The following PHIP variants were observed in gnomAD, a reference collection of about 807,000 sequenced individuals.
PHIP encodes the protein PHIP subunit of CUL4-Ring ligase complex, also known as PH-interacting protein.
PHIP carries 54 observed loss-of-function variants against 236.8 expected under a neutral mutation model. That is an observed-to-expected ratio of 0.23 (90% CI 0.18 to 0.29). PHIP has a LOEUF of 0.29. PHIP is among the 10% of genes least tolerant of loss of function. The pLI is 1.00. For missense variants in PHIP, 1,370 were observed against 2,190.8 expected (o/e 0.63, Z 7.48); for synonymous variants, 756 against 718.9 (o/e 1.05, Z -0.83).
chr6:78,985,046 T>C (rs995803024), intron 22 of PHIP, among the ~76,000 whole-genome samples: 2 of 152,160 alleles, frequency 1.3e-5, no homozygotes, highest in African/African-American at 4.8e-5. Context: ...CATTGCTTTC[T>C]TAACTTCATA....
chr6:78,942,157 G>A (rs1773537835), intron 39 of PHIP, among the ~76,000 whole-genome samples: 1 of 152,104 alleles, frequency 6.6e-6, no homozygotes, highest in Non-Finnish European at 1.5e-5. Flanking sequence ...AGCATTTTTG[G>A]TCACAGGTTG....
chr6:78,999,459 A>G (rs1769850877), intron 17 of PHIP, among the ~76,000 whole-genome samples: 1 of 152,152 alleles, frequency 6.6e-6, no homozygotes, highest in Non-Finnish European at 1.5e-5. Flanking sequence ...AGACCAATAT[A>G]AAACATAAAT....
intron 27 of PHIP, 89 bp from the exon 28 acceptor site, chr6:78,966,145 C>T: frequency 1.3e-6 from 1 of 791,344 alleles, no homozygotes; most frequent in Non-Finnish European, 2.2e-6. Flanking sequence ...AGTACCTAAA[C>T]TGCCTGTATG....
At chr6:78,987,224 CTT>C (rs1338183488) in intron 21 of PHIP, among the ~76,000 whole-genome samples, 2 of 151,898 alleles carry the variant, frequency 1.3e-5, no homozygotes, top group Non-Finnish European at 2.9e-5. Flanking sequence ...TATATAGAAA[CTT>C]AATATTTAGA....
chr6:78,985,494 A>T, intron 21 of PHIP, 66 bp from the exon 22 acceptor site: 2 of 840,990 alleles, frequency 2.4e-6, no homozygotes, highest in Non-Finnish European at 4.2e-6. Flanking sequence ...GATTACAGAA[A>T]ATATCAGTGA....
chr6:78,978,079 A>G (rs1339529556), intron 24 of PHIP, among the ~76,000 whole-genome samples: 2 of 152,124 alleles, frequency 1.3e-5, no homozygotes, highest in Non-Finnish European at 2.9e-5. Context: ...ATTCACAAGT[A>G]CATATTCTAA....
intron 7 of PHIP, among the ~76,000 whole-genome samples, chr6:79,036,921 C>CAAAAAAAAAAAAAAAAAAAAAAAAAAA (rs34875528): frequency 2.6e-5 from 1 of 38,950 alleles, no homozygotes; most frequent in Non-Finnish European, 4.6e-5. Context: ...GACTCCGTCT[C>CAAAAAAAAAAAAAAAAAAAAAAAAAAA]AAAAAAAAAA....
At chr6:79,049,877 T>C (rs1307151311) in intron 6 of PHIP, among the ~76,000 whole-genome samples, 1 of 152,224 alleles carries the variant, frequency 6.6e-6, no homozygotes, top group Non-Finnish European at 1.5e-5. Flanking sequence ...ATAAATGTAT[T>C]GTGTGGCATA....
intron 7 of PHIP, among the ~76,000 whole-genome samples, chr6:79,036,762 A>G (rs1216857358): frequency 6.6e-6 from 1 of 151,952 alleles, no homozygotes; most frequent in Non-Finnish European, 1.5e-5. Flanking sequence ...TCTACTAAAA[A>G]TACAAAAAAT....
chr6:78,958,393 C>G (rs1489518735), intron 32 of PHIP, 82 bp downstream of exon 32: 15 of 899,866 alleles, frequency 1.7e-5, no homozygotes, highest in Non-Finnish European at 2.3e-5. Flanking sequence ...TCTTTACAAA[C>G]AGTATGTTTT....
At chr6:79,076,166 T>C (rs1411617145) in intron 4 of PHIP, among the ~76,000 whole-genome samples, 6 of 152,186 alleles carry the variant, frequency 3.9e-5, no homozygotes, top group Non-Finnish European at 8.8e-5. Flanking sequence ...CAACATCTTA[T>C]ATTAAACCAC....
chr6:78,968,895 G>C (rs1279417008), intron 27 of PHIP, among the ~76,000 whole-genome samples: 2 of 152,094 alleles, frequency 1.3e-5, no homozygotes, highest in Admixed American at 1.3e-4. Context: ...TTTTCCCCCT[G>C]AAGACTTTCC....
At chr6:78,981,368 T>C (rs908008059) in intron 23 of PHIP, among the ~76,000 whole-genome samples, 1 of 152,002 alleles carries the variant, frequency 6.6e-6, no homozygotes, top group African/African-American at 2.4e-5. Context: ...GTCCATCTAC[T>C]GTTACATCAC....
At chr6:78,987,177 G>A (rs371547514) in intron 21 of PHIP, among the ~76,000 whole-genome samples, 1 of 151,978 alleles carries the variant, frequency 6.6e-6, no homozygotes, top group East Asian at 1.9e-4. Context: ...TGGAAATACA[G>A]TTCTTAAGTT....
chr6:79,021,760 G>A (rs551821537), intron 9 of PHIP, among the ~76,000 whole-genome samples: 2 of 152,216 alleles, frequency 1.3e-5, no homozygotes, highest in East Asian at 3.9e-4. Flanking sequence ...AGGTGGGGAT[G>A]GTTAATGAGT....
At chr6:79,042,258 A>C (rs1772256573) in intron 7 of PHIP, among the ~76,000 whole-genome samples, 1 of 152,040 alleles carries the variant, frequency 6.6e-6, no homozygotes, top group African/African-American at 2.4e-5. Context: ...ACAGGTTACA[A>C]GAAACAATAA....
chr6:78,958,352 T>G, intron 32 of PHIP, 123 bp downstream of exon 32: 7 of 621,474 alleles, frequency 1.1e-5, no homozygotes, highest in East Asian at 2.8e-5. Context: ...CTCTCCCAGC[T>G]GAGCTATTTT....
intron 7 of PHIP, among the ~76,000 whole-genome samples, chr6:79,033,957 G>A (rs1039843700): frequency 2.0e-5 from 3 of 152,266 alleles, no homozygotes; most frequent in African/African-American, 7.2e-5. Flanking sequence ...ATGGGGAAGG[G>A]CCAGTTGGTG....
At chr6:79,070,659 T>C (rs1244337483) in intron 4 of PHIP, among the ~76,000 whole-genome samples, 8 of 152,146 alleles carry the variant, frequency 5.3e-5, no homozygotes, top group African/African-American at 1.4e-4. Flanking sequence ...CCAATCTTCA[T>C]GGGGGAATGG....
Sources: allele counts gnomAD v4.1 joint callset (sites outside exome capture counted in the v4.1 genomes callset), GRCh38; gene constraint gnomAD v4.1.1; transcripts MANE v1.5; gene names NCBI Gene and HGNC (gene_info 2026-07-23, HGNC 2026-07-21).